Variants in ZCWPW2 observed in about 807,000 individuals in gnomAD.
ZCWPW2 encodes the protein zinc finger CW-type and PWWP domain containing 2.
A neutral mutation model predicts 46.6 loss-of-function variants in ZCWPW2; 45 were observed. The observed-to-expected ratio is 0.96, with a 90% CI of 0.76 to 1.24. The LOEUF (loss-of-function observed/expected upper bound fraction) is 1.24. Among genes scored for constraint, ZCWPW2 ranks in the 50% most tolerant of loss-of-function variants. The pLI is 0.00. For missense variants in ZCWPW2, 429 were observed against 403.9 expected (o/e 1.06, Z -0.53); for synonymous variants, 152 against 137.1 (o/e 1.11, Z -0.76).
chr3:28,456,664 A>G (rs1698434079), intron 4 of ZCWPW2, among the ~76,000 whole-genome samples: 1 of 152,072 alleles, frequency 6.6e-6, no homozygotes, highest in Non-Finnish European at 1.5e-5. Flanking sequence ...TAGTTTATTG[A>G]GAGTTTTTTA....
chr3:28,513,068 TC>T (rs1700471909), intron 6 of ZCWPW2, among the ~76,000 whole-genome samples: 1 of 152,156 alleles, frequency 6.6e-6, no homozygotes, highest in Non-Finnish European at 1.5e-5. Flanking sequence ...TAGTCACACT[TC>T]CTACCTCCAA....
At chr3:28,357,249 T>C (rs1220050886) in intron 1 of ZCWPW2, among the ~76,000 whole-genome samples, 2 of 152,152 alleles carry the variant, frequency 1.3e-5, no homozygotes, top group East Asian at 3.9e-4. Context: ...CATTAAGATC[T>C]ATAGAAGGAA....
intron 1 of ZCWPW2, among the ~76,000 whole-genome samples, chr3:28,379,128 A>G (rs1404172261): frequency 1.3e-5 from 2 of 152,176 alleles, no homozygotes; most frequent in Non-Finnish European, 2.9e-5. Context: ...TACCTGGTTC[A>G]TAGCAAACCC....
At position 28,357,678 on chromosome 3, in the gene ZCWPW2, T is replaced by C. The variant is rs573047721; in HGVS notation, c.-134+8475T>C. On this transcript the variant is annotated intron_variant, in intron 1 of 9. Transcript: ENST00000383768. ...TCTGTTTTGCAAGCCTTTGGACTTATACTGAATTATACCACTGACTCTCCT... is the reference window on the plus strand; with the variant it reads ...TCTGTTTTGCAAGCCTTTGGACTTACACTGAATTATACCACTGACTCTCCT... Among the ~76,000 whole-genome samples the C allele has an allele frequency of 1.4e-4, 21 of 151,960 alleles. No individual in the cohort carries two copies. In the South Asian group the frequency reaches 2.7e-3, roughly 20 times the overall value.
At chr3:28,357,888 G>T (rs1161818046) in intron 1 of ZCWPW2, among the ~76,000 whole-genome samples, 1 of 149,518 alleles carries the variant, frequency 6.7e-6, no homozygotes, top group East Asian at 2.0e-4. Context: ...AATATACTTT[G>T]TAGTAATTAC....
intron 5 of ZCWPW2, among the ~76,000 whole-genome samples, chr3:28,485,497 A>T (rs961609738): frequency 1.3e-5 from 2 of 152,300 alleles, no homozygotes; most frequent in East Asian, 3.9e-4. Flanking sequence ...TGAAGCCTCT[A>T]GCTATAATAG....
At chr3:28,385,202 A>G (rs1170771447) in intron 1 of ZCWPW2, among the ~76,000 whole-genome samples, 1 of 152,186 alleles carries the variant, frequency 6.6e-6, no homozygotes, top group East Asian at 1.9e-4. Flanking sequence ...CTGTTGAAAC[A>G]GTATTTAATT....
At chr3:28,464,400 G>A (rs1046285875) in intron 4 of ZCWPW2, among the ~76,000 whole-genome samples, 2 of 151,964 alleles carry the variant, frequency 1.3e-5, no homozygotes, top group Non-Finnish European at 2.9e-5. Context: ...ATATGATAAT[G>A]AGATATAGGT....
At chr3:28,456,236 T>C (rs1308877964) in intron 4 of ZCWPW2, among the ~76,000 whole-genome samples, 1 of 152,164 alleles carries the variant, frequency 6.6e-6, no homozygotes, top group East Asian at 1.9e-4. Flanking sequence ...TTTTATTCTT[T>C]TTATGGCAAT....
intron 4 of ZCWPW2, among the ~76,000 whole-genome samples, chr3:28,458,493 A>G (rs2125786046): frequency 6.6e-6 from 1 of 152,324 alleles, no homozygotes; most frequent in Middle Eastern, 3.4e-3. Flanking sequence ...ATCAAATGAT[A>G]ATCTCACATA....
chr3:28,411,060 C>T (rs1414558051), intron 2 of ZCWPW2, among the ~76,000 whole-genome samples: 1 of 151,498 alleles, frequency 6.6e-6, no homozygotes, highest in African/African-American at 2.4e-5. Flanking sequence ...GATATGAAAA[C>T]CAGACAAAGA....
intron 1 of ZCWPW2, among the ~76,000 whole-genome samples, chr3:28,385,112 C>T (rs1314460499): frequency 1.3e-5 from 2 of 152,142 alleles, no homozygotes; most frequent in Non-Finnish European, 2.9e-5. Context: ...TTAAGATGAT[C>T]ATATGGTTTT....
At chr3:28,349,322 C>A in intron 1 of ZCWPW2, 119 bp downstream of exon 1, 1 of 538,868 alleles carries the variant, frequency 1.9e-6, no homozygotes, top group African/African-American at 2.0e-5. Flanking sequence ...GTGGTGCGTG[C>A]TGGCTCGGCT....
chr3:28,371,947 CCTT>C (rs1020779216), intron 1 of ZCWPW2, among the ~76,000 whole-genome samples: 5 of 150,528 alleles, frequency 3.3e-5, no homozygotes, highest in South Asian at 2.1e-4. Flanking sequence ...CTTTCATCTT[CCTT>C]CTTCTTCTTC....
intron 1 of ZCWPW2, among the ~76,000 whole-genome samples, chr3:28,354,468 A>G (rs924649842): frequency 7.1e-6 from 1 of 140,868 alleles, no homozygotes; most frequent in Non-Finnish European, 1.6e-5. Flanking sequence ...ATTCCAATCA[A>G]TAGAAAAAGA....
chr3:28,523,976 A>C (rs1265306248), intron 9 of ZCWPW2, among the ~76,000 whole-genome samples: 1 of 152,118 alleles, frequency 6.6e-6, no homozygotes. Flanking sequence ...GTTATGTGAA[A>C]ATATTTATAT....
intron 3 of ZCWPW2, among the ~76,000 whole-genome samples, chr3:28,421,227 C>G (rs959756854): frequency 1.3e-5 from 2 of 152,102 alleles, no homozygotes; most frequent in African/African-American, 4.8e-5. Context: ...CCACTCACAA[C>G]TCTAGGTAGT....
At chr3:28,369,332 T>C (rs916581799) in intron 1 of ZCWPW2, among the ~76,000 whole-genome samples, 5 of 152,202 alleles carry the variant, frequency 3.3e-5, no homozygotes, top group African/African-American at 1.2e-4. Flanking sequence ...AGATGGGGTT[T>C]TGGTGTGGAT....
intron 6 of ZCWPW2, among the ~76,000 whole-genome samples, chr3:28,495,613 AT>A (rs1035878973): frequency 9.9e-5 from 15 of 151,330 alleles, no homozygotes; most frequent in Admixed American, 4.0e-4. Context: ...ATTTGATAGA[AT>A]TTTTTTTTGT....
Sources: gnomAD v4.1 joint callset for allele counts (sites outside exome capture counted in the v4.1 genomes callset) on GRCh38, gnomAD v4.1.1 for gene constraint, MANE v1.5 for transcripts, NCBI Gene and HGNC (gene_info 2026-07-23, HGNC 2026-07-21) for gene names.